Variants in SYNPO2 observed in about 807,000 individuals in gnomAD.
SYNPO2 encodes the protein synaptopodin 2.
In SYNPO2, 56 loss-of-function variants were observed where a neutral mutation model predicts 85.0. The observed-to-expected ratio is 0.66, with a 90% confidence interval of 0.53 to 0.82. SYNPO2 has a LOEUF of 0.82. SYNPO2 is among the 40% of genes least tolerant of loss of function. The pLI is 0.00. For synonymous variants in SYNPO2, 602 were observed against 591.1 expected, an observed-to-expected ratio of 1.02 and a Z score of -0.27; for missense variants, 1,575 against 1,534.2, an observed-to-expected ratio of 1.03 and a Z score of -0.44.
chr4:118,929,992 T>C (rs1259756048), intron 1 of SYNPO2, among the ~76,000 whole-genome samples: 1 of 152,144 alleles, frequency 6.6e-6, no homozygotes, highest in Non-Finnish European at 1.5e-5. Context: ...ATGATAAACG[T>C]CTTTAAATTA....
chr4:119,005,126 A>T (rs1156897328), intron 1 of SYNPO2, among the ~76,000 whole-genome samples: 1 of 152,164 alleles, frequency 6.6e-6, no homozygotes, highest in African/African-American at 2.4e-5. Flanking sequence ...TCTGGATATT[A>T]GCCCTTTGTC....
At chr4:118,980,582 A>C (rs1162186353) in intron 1 of SYNPO2, among the ~76,000 whole-genome samples, 1 of 152,200 alleles carries the variant, frequency 6.6e-6, no homozygotes, top group Non-Finnish European at 1.5e-5. Flanking sequence ...TAGACTTGTA[A>C]ATTAACAGAG....
intron 4 of SYNPO2, chr4:119,032,885 T>A: frequency 1.3e-6 from 1 of 775,930 alleles, no homozygotes; most frequent in African/African-American, 2.1e-5. Flanking sequence ...AATAATGAAG[T>A]AAATGGGATA....
intron 4 of SYNPO2, 109 bp downstream of exon 4, chr4:119,032,136 G>C (rs760897235): frequency 7.9e-6 from 12 of 1,512,770 alleles, no homozygotes; most frequent in Non-Finnish European, 1.1e-5. Flanking sequence ...AGAATGCCTA[G>C]CAAAGTCCTC....
chr4:118,961,056 C>A (rs1314987227), intron 1 of SYNPO2, among the ~76,000 whole-genome samples: 1 of 151,164 alleles, frequency 6.6e-6, no homozygotes, highest in Non-Finnish European at 1.5e-5. Flanking sequence ...AAATTTCTTA[C>A]CTTTGCCTGC....
At chr4:118,981,462 C>T (rs1202480685) in intron 1 of SYNPO2, among the ~76,000 whole-genome samples, 1 of 152,222 alleles carries the variant, frequency 6.6e-6, no homozygotes, top group African/African-American at 2.4e-5. Flanking sequence ...CTCCGTGCAA[C>T]AATCCTTGTG....
chr4:118,856,894 G>C (rs1466549198), intron 1 of SYNPO2, among the ~76,000 whole-genome samples: 1 of 152,134 alleles, frequency 6.6e-6, no homozygotes. Flanking sequence ...AGAAATAATG[G>C]ACGTTCTCTC....
chr4:119,057,258 A>T (rs1418528379), intron 4 of SYNPO2, 143 bp from the exon 5 acceptor site: 2 of 981,730 alleles, frequency 2.0e-6, no homozygotes, highest in South Asian at 4.9e-5. Flanking sequence ...TGGCTTTAAG[A>T]CTAAGCATTC....
At position 119,027,444 on chromosome 4, in the gene SYNPO2, T is replaced by C; in HGVS notation, c.1069+6T>C. ...GCACCGAGCGCGGCATGCACGTAAG[T>C]TCTGCCTGGGCTTTCAGAAGGGGCT... On this transcript the variant is annotated splice_donor_region_variant and intron_variant, in intron 3 of 4. Coordinates refer to ENST00000307142, the MANE Select transcript of SYNPO2 (RefSeq NM_133477.3). 6.3e-6 allele frequency: 10 copies of C among 1,575,632 alleles called. No individual in the cohort carries two copies. Among genetic ancestry groups the C allele is most frequent in the Non-Finnish European group, 8.7e-6 (10 of 1,155,084 alleles).
intron 1 of SYNPO2, among the ~76,000 whole-genome samples, chr4:118,854,032 A>G (rs980151640): frequency 2.0e-5 from 3 of 152,218 alleles, no homozygotes; most frequent in Admixed American, 1.3e-4. Context: ...GCAGCAATGA[A>G]CCAAAAGCTA....
At chr4:118,934,825 A>G (rs1403204156) in intron 1 of SYNPO2, among the ~76,000 whole-genome samples, 3 of 152,144 alleles carry the variant, frequency 2.0e-5, no homozygotes, top group African/African-American at 7.2e-5. Flanking sequence ...ACCTTCTGAG[A>G]CTGTTTGATT....
chr4:118,890,196 G>A (rs1168612416), intron 1 of SYNPO2, among the ~76,000 whole-genome samples: 9 of 149,520 alleles, frequency 6.0e-5, no homozygotes, highest in Non-Finnish European at 1.2e-4. Flanking sequence ...CCTTTGCGAA[G>A]AAAGAAGTTT....
At chr4:118,949,750 AAAAAT>A (rs76494884) in intron 1 of SYNPO2, among the ~76,000 whole-genome samples, 223 of 151,414 alleles carry the variant, frequency 1.5e-3, no homozygotes, top group African/African-American at 5.3e-3. Flanking sequence ...CTCTGTCTCA[AAAAAT>A]AAAATAAAAT....
intron 1 of SYNPO2, among the ~76,000 whole-genome samples, chr4:118,864,183 A>G (rs1731664722): frequency 6.6e-6 from 1 of 152,160 alleles, no homozygotes. Context: ...AGAAATGTTT[A>G]AATTTCTTTC....
chr4:118,899,132 T>G (rs1192093330), intron 1 of SYNPO2, among the ~76,000 whole-genome samples: 2 of 152,196 alleles, frequency 1.3e-5, no homozygotes, highest in Non-Finnish European at 2.9e-5. Flanking sequence ...TTTCCTCCAT[T>G]AGACCAGTGA....
rs1454478045 is a variant in SYNPO2 at position 119,005,130 on chromosome 4, C to T, written c.106-18300C>T. 2.0e-5 allele frequency among the ~76,000 whole-genome samples: 3 copies of T among 152,064 alleles called. No individual in the cohort carries two copies. In the East Asian group the frequency reaches 5.8e-4, roughly 29 times the overall value. The stretch of plus-strand genomic sequence containing the variant: ...TCATTGTAGATTCTGGATATTAGCC[C>T]TTTGTCAGATGAGTAGATTGCGAAA... On this transcript the variant is annotated intron_variant, in intron 1 of 4. Transcript: ENST00000307142.
intron 1 of SYNPO2, among the ~76,000 whole-genome samples, chr4:118,859,454 G>A (rs968404432): frequency 1.3e-5 from 2 of 151,934 alleles, no homozygotes; most frequent in African/African-American, 2.4e-5. Flanking sequence ...TTAAAAGTGC[G>A]ACTAAATTAT....
chr4:119,036,680 A>G (rs1738524908), intron 4 of SYNPO2: 2 of 985,500 alleles, frequency 2.0e-6, no homozygotes. Flanking sequence ...CTTCTGGAGA[A>G]GCCCTTGAAT....
intron 1 of SYNPO2, among the ~76,000 whole-genome samples, chr4:118,915,459 G>A (rs897398702): frequency 1.3e-5 from 2 of 151,908 alleles, no homozygotes; most frequent in African/African-American, 2.4e-5. Flanking sequence ...TGTAATCTTC[G>A]GGACTTGTTT....
Sources: allele counts gnomAD v4.1 joint callset (sites outside exome capture counted in the v4.1 genomes callset), GRCh38; gene constraint gnomAD v4.1.1; transcripts MANE v1.5; gene names NCBI Gene and HGNC (gene_info 2026-07-23, HGNC 2026-07-21).